The following LAPTM5 variants were observed in gnomAD, a reference collection of about 807,000 sequenced individuals.
LAPTM5 encodes lysosomal protein transmembrane 5, also known as lysosomal-associated transmembrane protein 5.
LAPTM5 carries 11 observed loss-of-function variants against 30.1 expected under a neutral mutation model. That is an observed-to-expected ratio of 0.37 (90% CI 0.23 to 0.60). LAPTM5 has a LOEUF of 0.60. Among genes scored for constraint, LAPTM5 ranks in the 20% least tolerant of loss-of-function variants. The pLI, the probability that LAPTM5 is intolerant of heterozygous loss-of-function variation, is 0.71. For missense variants in LAPTM5, 324 were observed against 332.5 expected (o/e 0.97, Z 0.20); for synonymous variants, 151 against 137.9 (o/e 1.10, Z -0.67).
In LAPTM5 at chr1:30,737,591, G is replaced by C; in HGVS notation, c.606+13C>G. 1 of 1,598,510 alleles carries C rather than the reference G, an allele frequency of 6.3e-7. No individual in the cohort carries two copies. Among genetic ancestry groups the C allele is most frequent in the South Asian group, 1.1e-5 (1 of 90,312 alleles). On this transcript the variant is annotated intron_variant, in intron 6 of 7. Transcript: ENST00000294507. The stretch of plus-strand genomic sequence containing the variant: ...CCACCCCTCCCAGAGCCGCAGGGCA[G>C]GGATCCACTCACCTTGAAGATAAGG...
intron 5 of LAPTM5, 42 bp from the exon 6 acceptor site, chr1:30,737,741 A>G: frequency 7.5e-7 from 1 of 1,337,384 alleles, no homozygotes; most frequent in Non-Finnish European, 1.1e-6. Flanking sequence ...TCTGGACATA[A>G]GGAATTCCAA....
At chr1:30,755,101 G>A (rs915519004) in intron 1 of LAPTM5, among the ~76,000 whole-genome samples, 4 of 152,154 alleles carry the variant, frequency 2.6e-5, no homozygotes, top group Admixed American at 6.5e-5. Context: ...GACAACCTGG[G>A]CCGAGCGCAC....
At chr1:30,751,996 C>T (rs143831584) in intron 1 of LAPTM5, among the ~76,000 whole-genome samples, 77 of 152,302 alleles carry the variant, frequency 5.1e-4, no homozygotes, top group African/African-American at 1.9e-3. Context: ...CAAAGTGGAG[C>T]AGAGAAAAGA....
intron 7 of LAPTM5, among the ~76,000 whole-genome samples, chr1:30,734,649 G>T (rs1639861001): frequency 6.6e-6 from 1 of 152,250 alleles, no homozygotes; most frequent in Non-Finnish European, 1.5e-5. Context: ...GGTGAGGAAA[G>T]TAAGTTACCA....
In LAPTM5 at chr1:30,735,236, G is replaced by A. The variant is rs368099878; in HGVS notation, c.636C>T (p.Cys212=). 3.7e-6 allele frequency: 6 copies of A among 1,613,918 alleles called. No homozygotes were observed. In the African/African-American group the frequency reaches 8.0e-5, roughly 22 times the overall value. Reference sequence around the variant, plus strand: ...AGTTCATGCACTTGATCAATCTGTAGCACCGCCACACGCACTTGAACATGT... The same window carrying A: ...AGTTCATGCACTTGATCAATCTGTAACACCGCCACACGCACTTGAACATGT... ...KVYMFKCVWR[C]YRLIKCMNSV... is the part of the protein sequence containing the mutation. The change falls in exon 7 of 8, where the codon TGC becomes TGT. Residue 212 remains cysteine, a synonymous_variant. Transcript: ENST00000294507.
At chr1:30,742,369 T>G (rs2124184707) in intron 2 of LAPTM5, 87 bp downstream of exon 2, 1 of 883,110 alleles carries the variant, frequency 1.1e-6, no homozygotes, top group South Asian at 1.4e-5. Flanking sequence ...GAGGTGGCAG[T>G]GCCTCCAACA....
At chr1:30,756,604 C>T (rs960392078) in intron 1 of LAPTM5, among the ~76,000 whole-genome samples, 2 of 152,184 alleles carry the variant, frequency 1.3e-5, no homozygotes, top group Non-Finnish European at 2.9e-5. Flanking sequence ...ATCCAGAGGC[C>T]GTGGGCTAAC....
At position 30,742,700 on chromosome 1, in the gene LAPTM5, A is replaced by C. The variant is rs189861928; in HGVS notation, c.88-151T>G. ...GTCAGTAGGGCATCTCAGACAAAAG[A>C]GTGGCCTTTACACACAGAGAGCCCA... On this transcript the variant is annotated intron_variant, in intron 1 of 7. Transcript: ENST00000294507. 184 of 651,560 alleles carry C rather than the reference A, an allele frequency of 2.8e-4. No homozygotes were observed. In the East Asian group the frequency reaches 4.1e-3, roughly 15 times the overall value. The allele number at this position is 651,560 out of a possible 1,614,324, so 40.4% of individuals were successfully genotyped here.
chr1:30,757,750 C>T lies in LAPTM5; in HGVS notation c.-5G>A, dbSNP rs1247437385. 1.2e-6 allele frequency: 2 copies of T among 1,612,662 alleles called. No individual in the cohort carries two copies. Among genetic ancestry groups the T allele is most frequent in the Non-Finnish European group, 1.7e-6 (2 of 1,179,516 alleles). Reference sequence around the variant, plus strand: ...AGTGGACAAGCGGGGGTCCATGGTGCTGCCGTCCCCTCCTCTGAGACACTG... The same window carrying T: ...AGTGGACAAGCGGGGGTCCATGGTGTTGCCGTCCCCTCCTCTGAGACACTG... On this transcript the variant is annotated 5_prime_UTR_variant, in exon 1 of 8. Coordinates refer to ENST00000294507, the MANE Select transcript of LAPTM5 (RefSeq NM_006762.3).
chr1:30,757,583 G>A (rs1015338014), intron 1 of LAPTM5, 76 bp downstream of exon 1: 72 of 1,460,924 alleles, frequency 4.9e-5, no homozygotes, highest in Non-Finnish European at 6.0e-5. Flanking sequence ...GTGGGGCTCC[G>A]TAGATGACGG....
rs745856514 is a variant in LAPTM5 at position 30,733,574 on chromosome 1, A to G, written c.*254T>C. The G allele has an allele frequency of 6.6e-7, 1 of 1,513,154 alleles. No individual in the cohort carries two copies. The highest frequency in any genetic ancestry group is 8.8e-7 in the Non-Finnish European group (1 of 1,132,632). The allele number at this position is 1,513,154 out of a possible 1,614,324, so 93.7% of individuals were successfully genotyped here. On this transcript the variant is annotated 3_prime_UTR_variant, in exon 8 of 8. Transcript: ENST00000294507. ...ATCGTCTAAACAAGTGTCAGAGCTG[A>G]TTGAAATAAACCAAGCATTGTTGGG...
rs1284382849 is a variant in LAPTM5, at chr1:30,739,815, G to T, written c.381C>A (p.Ser127Arg). The T allele has an allele frequency of 1.2e-6, 2 of 1,602,356 alleles. No individual in the cohort carries two copies. The highest frequency in any genetic ancestry group is 3.4e-5 in the Admixed American group (2 of 58,456). Reference protein sequence around the residue: ...LPAYLKLASRSRASSSKFPLM... With the variant: ...LPAYLKLASRRRASSSKFPLM... Reference sequence around the variant, plus strand: ...GTGGGGGCTGGGTACTCACAGCACGGCTCCGGGAGGCCAACTTGAGGTAGG... The same window carrying T: ...GTGGGGGCTGGGTACTCACAGCACGTCTCCGGGAGGCCAACTTGAGGTAGG... Residue 127 changes from serine (S) to arginine (R), a missense_variant, in exon 4 of 8, where the codon AGC becomes AGA. Ser to Arg is a moderately radical substitution (Grantham distance 110). Coordinates refer to ENST00000294507, the MANE Select transcript of LAPTM5 (RefSeq NM_006762.3). This position sits in a 1 kb window ranked among gnomAD's most constrained non-coding sequence, Gnocchi z 4.2.
At chr1:30,751,515 G>C (rs896108745) in intron 1 of LAPTM5, among the ~76,000 whole-genome samples, 9 of 152,234 alleles carry the variant, frequency 5.9e-5, no homozygotes, top group African/African-American at 2.2e-4. Flanking sequence ...GAGGCTGGTG[G>C]ATCACTTGAG....
chr1:30,734,087 T>A (rs1011280304), intron 7 of LAPTM5, among the ~76,000 whole-genome samples, 170 bp from the exon 8 acceptor site: 16 of 152,220 alleles, frequency 1.1e-4, no homozygotes, highest in African/African-American at 3.6e-4. Flanking sequence ...ATAGGTGCAG[T>A]TCCCAGCCCT....
Position 30,741,533 on chromosome 1 carries a change from C to T in LAPTM5, c.258+107G>A, listed in dbSNP as rs558802659. 3.7e-5 allele frequency: 24 copies of T among 641,066 alleles called. No homozygotes were observed. The Middle Eastern group carries it at 1.1e-3, about 30-fold the overall frequency. 39.7% of individuals were successfully genotyped at this position (641,066 alleles called of 1,614,324 possible). ...AAGATCTCCAGAACGCAGGTGGGAC[C>T]GCCTAACATACCCGCCTCCCACCCT... On this transcript the variant is annotated intron_variant, in intron 3 of 7. Transcript: ENST00000294507.
chr1:30,733,796 C>G lies in LAPTM5; in HGVS notation c.*32G>C, dbSNP rs1484053101. ...AGCAGATTATGAGGCAGCTCCACCCCTCCCAGCACTGGGGCTGGGGCCTGG... is the reference window on the plus strand; with the variant it reads ...AGCAGATTATGAGGCAGCTCCACCCGTCCCAGCACTGGGGCTGGGGCCTGG... On this transcript the variant is annotated 3_prime_UTR_variant, in exon 8 of 8. Coordinates refer to ENST00000294507, the MANE Select transcript of LAPTM5 (RefSeq NM_006762.3). 1.9e-6 allele frequency: 3 copies of G among 1,595,492 alleles called. No homozygotes were observed. Among genetic ancestry groups the G allele is most frequent in the Non-Finnish European group, 2.6e-6 (3 of 1,173,410 alleles).
intron 1 of LAPTM5, among the ~76,000 whole-genome samples, chr1:30,754,592 A>C (rs959266605): frequency 6.6e-6 from 1 of 152,150 alleles, no homozygotes; most frequent in African/African-American, 2.4e-5. Context: ...CAAGTTACTG[A>C]ACTTTGAAAA....
At chr1:30,744,071 G>A (rs1194584601) in intron 1 of LAPTM5, among the ~76,000 whole-genome samples, 1 of 152,176 alleles carries the variant, frequency 6.6e-6, no homozygotes, top group Admixed American at 6.5e-5. Context: ...CTCAGGGACT[G>A]GCAGGGGGTG....
intron 5 of LAPTM5, among the ~76,000 whole-genome samples, chr1:30,738,448 C>A (rs940330724): frequency 6.6e-6 from 1 of 152,162 alleles, no homozygotes; most frequent in Admixed American, 6.5e-5. Flanking sequence ...TCCTTCAGAT[C>A]TAATCAAGCC....
Sources: gnomAD v4.1 joint callset for allele counts (sites outside exome capture counted in the v4.1 genomes callset) on GRCh38, gnomAD v4.1.1 for gene constraint, Gnocchi (gnomAD v3.1) non-coding constraint, MANE v1.5 for transcripts, NCBI Gene and HGNC (gene_info 2026-07-23, HGNC 2026-07-21) for gene names.